Variants in MIAT observed in about 807,000 individuals in gnomAD.
MIAT encodes the protein MI related novel mRNA.
downstream of MIAT, chr22:26,672,941 G>A (rs749162714): frequency 5.0e-6 from 2 of 398,532 alleles, no homozygotes; most frequent in African/African-American, 4.1e-5. Context: ...GTCAGCTAGA[G>A]AGCCGTCTCC....
chr22:26,675,670 A>C (rs1931235854), exon 5 of MIAT: 1 of 398,692 alleles, frequency 2.5e-6, no homozygotes, highest in East Asian at 3.6e-5. Context: ...TCTTGAAAAC[A>C]TGTCATCCCA....
chr22:26,659,207 T>C (rs1215794207), intron 2 of MIAT, among the ~76,000 whole-genome samples: 1 of 152,098 alleles, frequency 6.6e-6, no homozygotes, highest in Non-Finnish European at 1.5e-5. Flanking sequence ...ACCTCGCCCC[T>C]CAACTTTCTA....
At chr22:26,668,494 C>T in exon 6 of MIAT, 1 of 399,036 alleles carries the variant, frequency 2.5e-6, no homozygotes. Flanking sequence ...GGGCCCTTTC[C>T]TGCCCCATGT....
intron 4 of MIAT, chr22:26,667,094 C>T (rs1017525957): frequency 7.7e-6 from 3 of 391,566 alleles, no homozygotes; most frequent in African/African-American, 6.3e-5. Context: ...GGAATGCTTG[C>T]TCTGTGTGGT....
At chr22:26,664,185 T>C (rs982210087) in intron 3 of MIAT, among the ~76,000 whole-genome samples, 16 of 152,126 alleles carry the variant, frequency 1.1e-4, no homozygotes, top group Non-Finnish European at 1.9e-4. Context: ...CTGATTTTTA[T>C]ATTTTTAGTA....
chr22:26,673,509 A>C (rs188650527), downstream of MIAT: 215 of 398,074 alleles, frequency 5.4e-4, 1 homozygote, highest in East Asian at 7.3e-3. Context: ...ACCTTGACTA[A>C]CTCCTGCCTT....
chr22:26,666,737 G>GCCCAGCCTCCCTGGCTCCTGGT (rs397818821), exon 4 of MIAT: 5 of 398,596 alleles, frequency 1.3e-5, no homozygotes, highest in African/African-American at 1.0e-4. Context: ...GGGTGCCTGG[G>GCCCAGCCTCCCTGGCTCCTGGT]CCCAGCCTCC....
chr22:26,667,242 C>T (rs1024030288), exon 5 of MIAT: 3 of 398,566 alleles, frequency 7.5e-6, no homozygotes, highest in Admixed American at 4.4e-5. Flanking sequence ...AGAGGTGAAC[C>T]CAGAGACATG....
At chr22:26,675,058 G>A (rs2146023736) in exon 5 of MIAT, 1 of 398,832 alleles carries the variant, frequency 2.5e-6, no homozygotes, top group South Asian at 1.3e-4. Context: ...CATTGGGGAT[G>A]TAGTGGTAGT....
intron 2 of MIAT, among the ~76,000 whole-genome samples, chr22:26,651,041 T>C (rs901309257): frequency 6.6e-6 from 1 of 152,076 alleles, no homozygotes; most frequent in Admixed American, 6.6e-5. Flanking sequence ...AGGGGTCAAG[T>C]TCATTGCATC....
At chr22:26,659,785 CA>C (rs112543684) in intron 2 of MIAT, among the ~76,000 whole-genome samples, 18,157 of 138,716 alleles carry the variant, frequency 0.13, 1,251 homozygotes, top group East Asian at 0.15. Flanking sequence ...TTAGAAAAGA[CA>C]AAAAAAAAAG....
At chr22:26,653,758 T>C (rs954997294) in intron 2 of MIAT, among the ~76,000 whole-genome samples, 2 of 152,106 alleles carry the variant, frequency 1.3e-5, no homozygotes, top group Non-Finnish European at 2.9e-5. Context: ...CAACCTCCCT[T>C]CTCTTCCCCT....
At chr22:26,649,473 C>T (rs750076238) in intron 2 of MIAT, among the ~76,000 whole-genome samples, 24 of 152,234 alleles carry the variant, frequency 1.6e-4, no homozygotes, top group Non-Finnish European at 3.2e-4. Flanking sequence ...ACCCTGTTTC[C>T]TTGTGTGCCC....
At chr22:26,647,485 G>A (rs538643545) in intron 2 of MIAT, 24 of 386,726 alleles carry the variant, frequency 6.2e-5, no homozygotes, top group Middle Eastern at 1.3e-3. Flanking sequence ...AGCCCCAGAA[G>A]GAGCGGGGCC....
chr22:26,676,152 G>A (rs1345184337), exon 5 of MIAT: 1 of 395,520 alleles, frequency 2.5e-6, no homozygotes, highest in African/African-American at 2.1e-5. Context: ...CAATGTGAGG[G>A]CTGTGCTGGT....
In MIAT at chr22:26,647,374, GGAGAGAGAGAGAGAGAGA is replaced by G. The variant is rs55740419; in HGVS notation, n.646+98_646+115del. On this transcript the variant is annotated intron_variant and non_coding_transcript_variant, in intron 2 of 5. Coordinates refer to ENST00000643270, the Ensembl canonical transcript of MIAT. ...TGGGGGCGGCGGGGACGTGGGGGGT[GGAGAGAGAGAGAGAGAGA>G]GAGAGAGAGAGAGAGAGAGAGAGAG... 845 of 127,010 alleles carry G rather than the reference GGAGAGAGAGAGAGAGAGA, an allele frequency of 6.7e-3. 22 individuals are homozygous for G. The highest frequency in any genetic ancestry group is 0.05 in the African/African-American group (742 of 14,868). 7.9% of individuals were successfully genotyped at this position (127,010 alleles called of 1,614,324 possible).
downstream of MIAT, chr22:26,674,365 A>G: frequency 2.5e-6 from 1 of 398,796 alleles, no homozygotes; most frequent in Non-Finnish European, 4.4e-6. Context: ...GGTGCAGGTA[A>G]AAGGTGGCAC....
intron 1 of MIAT, chr22:26,647,156 T>C (rs1008115742): frequency 1.5e-5 from 6 of 398,454 alleles, no homozygotes; most frequent in Non-Finnish European, 2.7e-5. Context: ...TCTCTGGGTC[T>C]CTGTTCCATC....
At chr22:26,667,364 A>ATGTGTGTGCATGCCTGTG in intron 5 of MIAT, 1 of 367,790 alleles carries the variant, frequency 2.7e-6, no homozygotes, top group Non-Finnish European at 4.8e-6. Context: ...GCGTGTGCAC[A>ATGTGTGTGCATGCCTGTG]TGTGTGTGCA....
Sources: allele counts gnomAD v4.1 joint callset (sites outside exome capture counted in the v4.1 genomes callset), GRCh38; gene constraint gnomAD v4.1.1; transcripts MANE v1.5; gene names NCBI Gene and HGNC (gene_info 2026-07-23, HGNC 2026-07-21).